The following C17orf67 variants were observed in gnomAD, a reference collection of about 807,000 sequenced individuals.
C17orf67 encodes the protein chromosome 17 open reading frame 67, also known as uncharacterized protein C17orf67.
C17orf67 carries 12 observed loss-of-function variants against 11.2 expected under a neutral mutation model. The ratio of observed to expected loss-of-function variants is 1.07; its 90% confidence interval spans 0.68 to 1.73. The LOEUF (loss-of-function observed/expected upper bound fraction) is 1.73. Among genes scored for constraint, C17orf67 ranks in the 40% most tolerant of loss-of-function variants. The pLI, the probability that C17orf67 is intolerant of heterozygous loss-of-function variation, is 0.00. For missense variants in C17orf67, 115 were observed against 113.5 expected (o/e 1.01, Z -0.06); for synonymous variants, 59 against 46.9 (o/e 1.26, Z -1.05).
chr17:56,813,948 T>C (rs1021435004), intron 6 of C17orf67, among the ~76,000 whole-genome samples: 9 of 152,066 alleles, frequency 5.9e-5, no homozygotes, highest in Non-Finnish European at 1.2e-4. Flanking sequence ...AACAGGGAGA[T>C]TCAAACCCAG....
In C17orf67 at chr17:56,815,969, A is replaced by G. The variant is rs1475988826; in HGVS notation, c.-159T>C. On this transcript the variant is annotated 5_prime_UTR_variant, in exon 5 of 8. Transcript: ENST00000397861. The stretch of plus-strand genomic sequence containing the variant: ...TCTGACTCTGAGCGTTTTAGTAATG[A>G]CCACTGAAATATTTTCCTCCGAATT... The G allele has an allele frequency of 1.3e-5, 18 of 1,396,782 alleles. No homozygotes were observed. Among genetic ancestry groups the G allele is most frequent in the Non-Finnish European group, 9.6e-7 (1 of 1,043,394 alleles). The allele number at this position is 1,396,782 out of a possible 1,614,324, so 86.5% of individuals were successfully genotyped here. A position where few individuals can be genotyped will look rare whatever the true frequency, so the allele number is the denominator to read the frequency against.
At chr17:56,828,874 T>C (rs952719348) in intron 2 of C17orf67, among the ~76,000 whole-genome samples, 12 of 145,864 alleles carry the variant, frequency 8.2e-5, no homozygotes, top group Non-Finnish European at 1.3e-4. Flanking sequence ...AAAAAAACAC[T>C]GCAGAGATTG....
rs1000030102 is a variant in C17orf67, at chr17:56,792,026, A to G, written c.*347T>C. 6.6e-6 allele frequency: 1 copy of G among 152,184 alleles called. No homozygotes were observed. The highest frequency in any genetic ancestry group is 2.4e-5 in the African/African-American group (1 of 41,444). The allele number at this position is 152,184 out of a possible 1,614,324, so 9.4% of individuals were successfully genotyped here. On this transcript the variant is annotated 3_prime_UTR_variant, in exon 8 of 8. Transcript: ENST00000397861. ...CACTACTCTGAACAAGGATTCCCCA[A>G]ATTCCTTAGGGCAGGCAGCCTGCCC...
At chr17:56,817,800 G>A (rs991640810) in intron 4 of C17orf67, among the ~76,000 whole-genome samples, 9 of 152,036 alleles carry the variant, frequency 5.9e-5, no homozygotes, top group African/African-American at 2.2e-4. Flanking sequence ...GCACTCTGCT[G>A]CTATTAACAT....
At chr17:56,815,073 A>T in intron 5 of C17orf67, 104 bp from the exon 6 acceptor site, 1 of 968,682 alleles carries the variant, frequency 1.0e-6, no homozygotes, top group Non-Finnish European at 1.7e-6. Context: ...TTTGGTTAAA[A>T]CATGAAAGTT....
chr17:56,794,622 C>T (rs761206888), intron 7 of C17orf67, among the ~76,000 whole-genome samples: 6 of 152,058 alleles, frequency 3.9e-5, no homozygotes, highest in Non-Finnish European at 7.4e-5. Context: ...GGAACAGGAG[C>T]GAGATCTGGG....
chr17:56,829,341 G>A (rs1906129076), intron 2 of C17orf67, among the ~76,000 whole-genome samples: 2 of 152,108 alleles, frequency 1.3e-5, no homozygotes, highest in Admixed American at 6.6e-5. Flanking sequence ...GAGGTTTAAA[G>A]AAGAAAAGAA....
At chr17:56,802,738 A>G (rs376218946) in intron 6 of C17orf67, among the ~76,000 whole-genome samples, 4 of 152,366 alleles carry the variant, frequency 2.6e-5, no homozygotes, top group African/African-American at 9.6e-5. Context: ...CAAGATTGTG[A>G]AGGAGAGCAT....
At chr17:56,832,284 A>G (rs1379277545) in intron 2 of C17orf67, among the ~76,000 whole-genome samples, 1 of 152,188 alleles carries the variant, frequency 6.6e-6, no homozygotes, top group Non-Finnish European at 1.5e-5. Context: ...CTGCATCCAT[A>G]GGATGACCCC....
At chr17:56,810,116 C>A (rs951611864) in intron 6 of C17orf67, among the ~76,000 whole-genome samples, 1 of 137,098 alleles carries the variant, frequency 7.3e-6, no homozygotes, top group Non-Finnish European at 1.6e-5. Flanking sequence ...GACACACACC[C>A]TCACACTCCT....
chr17:56,820,186 A>G (rs1451121786), intron 4 of C17orf67, among the ~76,000 whole-genome samples: 3 of 152,228 alleles, frequency 2.0e-5, no homozygotes, highest in African/African-American at 4.8e-5. Flanking sequence ...GTGAGTTCCT[A>G]TGGCATATTT....
At chr17:56,806,927 T>G (rs528351663) in intron 6 of C17orf67, among the ~76,000 whole-genome samples, 19 of 152,348 alleles carry the variant, frequency 1.2e-4, no homozygotes, top group South Asian at 2.1e-4. Context: ...GTTGTCCCCT[T>G]AGCCCAATGT....
intron 4 of C17orf67, among the ~76,000 whole-genome samples, chr17:56,821,996 T>C (rs1359193003): frequency 6.6e-6 from 1 of 152,218 alleles, no homozygotes; most frequent in East Asian, 1.9e-4. Context: ...TTAGCTTACA[T>C]GCAAAGTAGC....
At chr17:56,824,198 T>C (rs1020697569) in intron 4 of C17orf67, among the ~76,000 whole-genome samples, 1 of 152,052 alleles carries the variant, frequency 6.6e-6, no homozygotes, top group African/African-American at 2.4e-5. Flanking sequence ...CTTATAGGAG[T>C]GAGTTAGTTC....
intron 6 of C17orf67, among the ~76,000 whole-genome samples, chr17:56,799,369 T>C (rs1905269766): frequency 6.6e-6 from 1 of 152,262 alleles, no homozygotes. Context: ...TCTTTAGTAA[T>C]ATGCATTTAA....
chr17:56,824,431 A>G (rs1362280597), intron 4 of C17orf67, among the ~76,000 whole-genome samples: 1 of 152,188 alleles, frequency 6.6e-6, no homozygotes, highest in Non-Finnish European at 1.5e-5. Flanking sequence ...TGCTATAGCA[A>G]CAGAAAACAG....
chr17:56,818,177 AG>A, intron 4 of C17orf67, among the ~76,000 whole-genome samples: 1 of 152,112 alleles, frequency 6.6e-6, no homozygotes. Context: ...AAAAGAAAAA[AG>A]AAAAATTGTC....
intron 7 of C17orf67, 59 bp from the exon 8 acceptor site, chr17:56,792,411 GGTGGTGGTGATGATGGTGTGGCA>G (rs1258509898): frequency 6.6e-6 from 1 of 152,214 alleles, no homozygotes; most frequent in East Asian, 1.9e-4. Context: ...TGGTAGTGGT[GGTGGTGGTGATGATGGTGTGGCA>G]GTGATGGTGA....
chr17:56,809,997 A>T (rs1210353700), intron 6 of C17orf67, among the ~76,000 whole-genome samples: 1 of 133,354 alleles, frequency 7.5e-6, no homozygotes, highest in Admixed American at 7.5e-5. Flanking sequence ...CCCTTCACAC[A>T]CACACCCCAG....
Sources: allele counts gnomAD v4.1 joint callset (sites outside exome capture counted in the v4.1 genomes callset), GRCh38; gene constraint gnomAD v4.1.1; transcripts MANE v1.5; gene names NCBI Gene and HGNC (gene_info 2026-07-23, HGNC 2026-07-21).